The following RASEF variants were observed in gnomAD, a reference collection of about 807,000 sequenced individuals.
RASEF encodes the protein RAS and EF-hand domain containing.
In RASEF, 68 loss-of-function variants were observed where a neutral mutation model predicts 90.1. That is an observed-to-expected ratio of 0.75 (90% CI 0.62 to 0.92). The LOEUF (loss-of-function observed/expected upper bound fraction) is 0.92. Among genes scored for constraint, RASEF ranks in the 40% least tolerant of loss-of-function variants. The pLI, the probability that RASEF is intolerant of heterozygous loss-of-function variation, is 0.00. For missense variants in RASEF, 949 were observed against 937.2 expected (o/e 1.01, Z -0.16); for synonymous variants, 331 against 345.2 (o/e 0.96, Z 0.46).
chr9:83,163,871 G>C, the RASEF span, among the ~76,000 whole-genome samples: 1 of 151,468 alleles, frequency 6.6e-6, no homozygotes, highest in East Asian at 1.9e-4. Context: ...AGGAGGCTCA[G>C]AGAACACCAA....
intron 16 of RASEF, among the ~76,000 whole-genome samples, chr9:82,987,677 T>A (rs745527882): frequency 2.0e-5 from 3 of 152,152 alleles, no homozygotes; most frequent in Non-Finnish European, 4.4e-5. Context: ...TATGACCCCA[T>A]AAGACAACTG....
Position 83,014,127 on chromosome 9 carries a change from A to G in RASEF, c.766-1616T>C, listed in dbSNP as rs922417530. Among the ~76,000 whole-genome samples, 7 of 152,200 alleles carry G rather than the reference A, an allele frequency of 4.6e-5. 1 individual carries two copies. Among genetic ancestry groups the G allele is most frequent in the African/African-American group, 1.2e-4 (5 of 41,444 alleles). Reference sequence around the variant, plus strand: ...TTTGTGGCTCTAGCATAAACAGAAGATTCGTCTGTTCAATTCTGTAATGTA... The same window carrying G: ...TTTGTGGCTCTAGCATAAACAGAAGGTTCGTCTGTTCAATTCTGTAATGTA... On this transcript the variant is annotated intron_variant, in intron 4 of 16. Coordinates refer to ENST00000376447, the MANE Select transcript of RASEF (RefSeq NM_152573.4).
At chr9:83,049,414 GC>G in intron 1 of RASEF, 1 of 799,232 alleles carries the variant, frequency 1.3e-6, no homozygotes, top group Non-Finnish European at 1.5e-6. Flanking sequence ...ATGATCAAAA[GC>G]CCATTCTCCC....
the RASEF span, among the ~76,000 whole-genome samples, chr9:83,135,973 A>C: frequency 6.6e-6 from 1 of 152,124 alleles, no homozygotes; most frequent in Non-Finnish European, 1.5e-5. Context: ...CCCTGGGAGA[A>C]CAACTGCTTT....
chr9:83,092,012 T>A, the RASEF span, among the ~76,000 whole-genome samples: 2 of 129,096 alleles, frequency 1.5e-5, no homozygotes, highest in African/African-American at 6.8e-5. Flanking sequence ...TCTTTTTTTT[T>A]TTTTTTTTTT....
chr9:82,989,013 A>C (rs1020976862), intron 16 of RASEF, among the ~76,000 whole-genome samples: 4 of 152,140 alleles, frequency 2.6e-5, no homozygotes, highest in Non-Finnish European at 5.9e-5. Context: ...GAAATGTTCG[A>C]AGACTCTTGA....
At chr9:83,175,144 A>G in the RASEF span, among the ~76,000 whole-genome samples, 5 of 152,154 alleles carry the variant, frequency 3.3e-5, no homozygotes, top group African/African-American at 1.2e-4. Context: ...TGTTCTAGCT[A>G]TTATAACAGA....
At chr9:83,151,755 G>T in the RASEF span, among the ~76,000 whole-genome samples, 1 of 152,174 alleles carries the variant, frequency 6.6e-6, no homozygotes, top group Non-Finnish European at 1.5e-5. Flanking sequence ...ATACTGAAAA[G>T]TAACACAAAG....
the RASEF span, among the ~76,000 whole-genome samples, chr9:83,188,937 A>C: frequency 6.6e-6 from 1 of 152,156 alleles, no homozygotes; most frequent in African/African-American, 2.4e-5. Context: ...CCCCAGCCAC[A>C]GTTCTGTGGC....
intron 1 of RASEF, among the ~76,000 whole-genome samples, chr9:83,039,737 T>G (rs988017338): frequency 3.3e-5 from 5 of 152,142 alleles, no homozygotes; most frequent in Non-Finnish European, 7.4e-5. Context: ...CCTTTCTCCT[T>G]TCACATTGTT....
chr9:83,211,272 G>T, the RASEF span, among the ~76,000 whole-genome samples: 1 of 151,212 alleles, frequency 6.6e-6, no homozygotes, highest in Non-Finnish European at 1.5e-5. Context: ...TAGGTTATGG[G>T]TTTTTTTTTC....
chr9:83,134,689 C>T, the RASEF span, among the ~76,000 whole-genome samples: 2 of 152,128 alleles, frequency 1.3e-5, no homozygotes, highest in Non-Finnish European at 2.9e-5. Flanking sequence ...CTTTAGAAAA[C>T]AGTCTAGCAG....
intron 16 of RASEF, among the ~76,000 whole-genome samples, chr9:82,989,738 C>CT (rs1828776710): frequency 6.6e-6 from 1 of 151,862 alleles, no homozygotes; most frequent in African/African-American, 2.4e-5. Flanking sequence ...GATTTTTTTC[C>CT]TTTTTGTGAT....
intron 9 of RASEF, among the ~76,000 whole-genome samples, chr9:83,001,707 T>C (rs1829043803): frequency 6.6e-6 from 1 of 152,222 alleles, no homozygotes; most frequent in Non-Finnish European, 1.5e-5. Context: ...TCCTCTCAGG[T>C]TGCACAAGAC....
the RASEF span, among the ~76,000 whole-genome samples, chr9:83,200,763 C>A: frequency 2.0e-5 from 3 of 151,980 alleles, no homozygotes; most frequent in African/African-American, 7.3e-5. Context: ...AGTGAGCTTG[C>A]TACATGAATT....
intron 1 of RASEF, among the ~76,000 whole-genome samples, chr9:83,041,046 A>G (rs771900146): frequency 3.9e-5 from 6 of 152,026 alleles, no homozygotes; most frequent in Admixed American, 1.3e-4. Context: ...TATTTAGTAG[A>G]GATAGAGTTT....
chr9:83,038,126 A>T (rs1829775938), intron 1 of RASEF, among the ~76,000 whole-genome samples: 1 of 152,114 alleles, frequency 6.6e-6, no homozygotes, highest in Admixed American at 6.5e-5. Flanking sequence ...CATTTAAAGA[A>T]TCATAAACGA....
In RASEF at chr9:82,980,724, GACAA is replaced by G. The variant is rs1465276540; in HGVS notation, c.*1949_*1952del. On this transcript the variant is annotated 3_prime_UTR_variant, in exon 17 of 17. Coordinates refer to ENST00000376447, the MANE Select transcript of RASEF (RefSeq NM_152573.4). ...CAATGTCATCAAAAGATGCCACTAAGACAAACAGCCATGGCAAAAGTTTTCCCAT... is the reference window on the plus strand; with the variant it reads ...CAATGTCATCAAAAGATGCCACTAAGACAGCCATGGCAAAAGTTTTCCCAT... 1 of 152,116 alleles carries G rather than the reference GACAA, an allele frequency of 6.6e-6. No individual in the cohort carries two copies. The highest frequency in any genetic ancestry group is 1.9e-4 in the East Asian group (1 of 5,192). 9.4% of individuals were successfully genotyped at this position (152,116 alleles called of 1,614,324 possible).
chr9:83,000,869 A>G lies in RASEF; in HGVS notation c.1437+27T>C, dbSNP rs764236333. 1.6e-5 allele frequency: 25 copies of G among 1,563,120 alleles called. No individual in the cohort carries two copies. The African/African-American group carries it at 3.4e-4, about 21-fold the overall frequency. ...CAGATTTCAATCACGTAGAAGGCCT[A>G]GGAGAGCAGTGGTTTCTGGGGCTTA... On this transcript the variant is annotated intron_variant, in intron 10 of 16. Coordinates refer to ENST00000376447, the MANE Select transcript of RASEF (RefSeq NM_152573.4).
Sources: allele counts gnomAD v4.1 joint callset (sites outside exome capture counted in the v4.1 genomes callset), GRCh38; gene constraint gnomAD v4.1.1; transcripts MANE v1.5; gene names NCBI Gene and HGNC (gene_info 2026-07-23, HGNC 2026-07-21).